Variants in ZNF618 observed in about 807,000 individuals in gnomAD.
ZNF618 encodes the protein zinc finger protein 618, also known as neural precursor cell expressed, developmentally down-regulated 10.
ZNF618 carries 34 observed loss-of-function variants against 103.0 expected under a neutral mutation model. The observed-to-expected ratio is 0.33, with a 90% CI of 0.25 to 0.44. ZNF618 has a LOEUF of 0.44. ZNF618 is among the 20% of genes least tolerant of loss of function. The probability of loss-of-function intolerance (pLI) is 1.00; values close to 1 mark genes in which losing one functional copy is unlikely to be tolerated. For missense variants in ZNF618, 1,059 were observed against 1,295.4 expected, an observed-to-expected ratio of 0.82 and a Z score of 2.80; for synonymous variants, 551 against 542.2, an observed-to-expected ratio of 1.02 and a Z score of -0.23.
At chr9:113,906,998 A>G (rs765775568) in intron 1 of ZNF618, among the ~76,000 whole-genome samples, 15 of 152,190 alleles carry the variant, frequency 9.9e-5, no homozygotes, top group Non-Finnish European at 2.1e-4. Context: ...TAGCAGCACC[A>G]TGCTTATTTT....
chr9:113,991,019 C>T (rs918580050), intron 3 of ZNF618, among the ~76,000 whole-genome samples: 11 of 152,202 alleles, frequency 7.2e-5, no homozygotes, highest in African/African-American at 2.7e-4. Flanking sequence ...GCTGTTTCTG[C>T]CCTTCACCAG....
rs1846262343 is a variant in ZNF618, at chr9:114,053,474, T to C, written c.*3307T>C. 6.6e-6 allele frequency: 1 copy of C among 152,258 alleles called. No individual in the cohort carries two copies. Among genetic ancestry groups the C allele is most frequent in the African/African-American group, 2.4e-5 (1 of 41,440 alleles). The allele number at this position is 152,258 out of a possible 1,614,324, so 9.4% of individuals were successfully genotyped here. A position where few individuals can be genotyped will look rare whatever the true frequency, so the allele number is the denominator to read the frequency against. ...TGTGGAGACTACTCACCTTGAGCCA[T>C]GTGGTCCCCAGGACAGAAATGGCCT... On this transcript the variant is annotated 3_prime_UTR_variant, in exon 15 of 15. Transcript: ENST00000374126.
intron 2 of ZNF618, among the ~76,000 whole-genome samples, chr9:113,970,225 C>G (rs963856715): frequency 6.6e-6 from 1 of 151,034 alleles, no homozygotes; most frequent in Non-Finnish European, 1.5e-5. Context: ...ACTATGGGAC[C>G]CCTTTTTTTT....
At chr9:113,921,266 C>T (rs1188040176) in intron 1 of ZNF618, among the ~76,000 whole-genome samples, 1 of 152,178 alleles carries the variant, frequency 6.6e-6, no homozygotes, top group Non-Finnish European at 1.5e-5. Context: ...AAAATCAGGC[C>T]AGTGTTATGC....
chr9:114,036,413 C>T, intron 13 of ZNF618, 36 bp downstream of exon 13: 1 of 1,549,410 alleles, frequency 6.5e-7, no homozygotes, highest in Non-Finnish European at 8.7e-7. Flanking sequence ...CCTCTCCTTC[C>T]TCAGTTCCTG....
At chr9:113,967,192 C>G (rs974214668) in intron 1 of ZNF618, among the ~76,000 whole-genome samples, 1 of 152,142 alleles carries the variant, frequency 6.6e-6, no homozygotes, top group East Asian at 1.9e-4. Context: ...TTTTTAAGAT[C>G]TCTGGGGCAG....
In ZNF618 at chr9:114,052,714, C is replaced by G. The variant is rs1846210504; in HGVS notation, c.*2547C>G. ...TGAGAGCAGAGCCTGGGAGCCCATC[C>G]TCCCTCTACTTGGAGCAAAGTTGTG... On this transcript the variant is annotated 3_prime_UTR_variant, in exon 15 of 15. Coordinates refer to ENST00000374126, the MANE Select transcript of ZNF618 (RefSeq NM_001318042.2). The G allele has an allele frequency of 6.6e-6, 1 of 152,212 alleles. No individual in the cohort carries two copies. The highest frequency in any genetic ancestry group is 1.5e-5 in the Non-Finnish European group (1 of 68,048). 9.4% of individuals were successfully genotyped at this position (152,212 alleles called of 1,614,324 possible).
intron 1 of ZNF618, among the ~76,000 whole-genome samples, chr9:113,955,672 CT>C (rs1408226522): frequency 2.8e-4 from 42 of 150,758 alleles, no homozygotes; most frequent in Admixed American, 2.6e-4. Flanking sequence ...ACTTTTCTCT[CT>C]TTAAAAAAAA....
intron 2 of ZNF618, among the ~76,000 whole-genome samples, chr9:113,983,525 T>G (rs1839163421): frequency 6.6e-6 from 1 of 152,154 alleles, no homozygotes; most frequent in African/African-American, 2.4e-5. Flanking sequence ...GGTCCCCATC[T>G]TCTGTGAACT....
At chr9:113,949,578 G>A (rs966909820) in intron 1 of ZNF618, among the ~76,000 whole-genome samples, 39 of 152,132 alleles carry the variant, frequency 2.6e-4, no homozygotes, top group African/African-American at 8.7e-4. Context: ...TCTTCATCCT[G>A]AGCTCAGAGC....
At chr9:114,011,956 A>G (rs952214087) in intron 9 of ZNF618, among the ~76,000 whole-genome samples, 1 of 152,142 alleles carries the variant, frequency 6.6e-6, no homozygotes, top group African/African-American at 2.4e-5. Context: ...GAAACAGAGT[A>G]AGTCTGGAGT....
chr9:113,957,616 A>G (rs1836433277), intron 1 of ZNF618, among the ~76,000 whole-genome samples: 1 of 152,168 alleles, frequency 6.6e-6, no homozygotes, highest in African/African-American at 2.4e-5. Context: ...CCCTGGCCAT[A>G]TCAAAGGAGG....
chr9:114,023,177 A>G (rs540413889), intron 10 of ZNF618, among the ~76,000 whole-genome samples: 6 of 151,792 alleles, frequency 4.0e-5, no homozygotes, highest in Admixed American at 3.9e-4. Context: ...CATTTTTTCT[A>G]TTTGTCCCAT....
At chr9:113,909,169 A>G (rs904346649) in intron 1 of ZNF618, among the ~76,000 whole-genome samples, 2 of 151,902 alleles carry the variant, frequency 1.3e-5, no homozygotes, top group Non-Finnish European at 2.9e-5. Context: ...TGGAAAAGGA[A>G]TGGGTTGGAG....
chr9:113,893,120 G>A lies in ZNF618; in HGVS notation c.33+16707G>A, dbSNP rs75293905. On this transcript the variant is annotated intron_variant, in intron 1 of 14. Transcript: ENST00000374126. ...TTCACTGGGCAGACTCGCCTTGTTA[G>A]CTAGACTGGCATCAATGCCATTATA... Among the ~76,000 whole-genome samples the A allele has an allele frequency of 1.0e-2, 1,521 of 152,348 alleles. 8 individuals are homozygous for A. The highest frequency in any genetic ancestry group is 0.012 in the Non-Finnish European group (822 of 68,036).
chr9:114,038,342 C>T (rs1328675157), intron 13 of ZNF618, among the ~76,000 whole-genome samples: 1 of 152,234 alleles, frequency 6.6e-6, no homozygotes, highest in Non-Finnish European at 1.5e-5. Context: ...GTGGCCCCAC[C>T]TCTCCCAAGC....
At chr9:113,895,967 C>T (rs1390533643) in intron 1 of ZNF618, among the ~76,000 whole-genome samples, 4 of 152,020 alleles carry the variant, frequency 2.6e-5, no homozygotes, top group African/African-American at 9.7e-5. Context: ...AGAATTTGAA[C>T]TGTATTTGCA....
intron 1 of ZNF618, among the ~76,000 whole-genome samples, chr9:113,967,998 C>A (rs530359749): frequency 2.0e-5 from 3 of 152,180 alleles, no homozygotes; most frequent in African/African-American, 7.2e-5. Context: ...CTGATTTTGC[C>A]AGTTTGCAAC....
chr9:113,903,070 T>G (rs766364559), intron 1 of ZNF618, among the ~76,000 whole-genome samples: 3 of 152,222 alleles, frequency 2.0e-5, no homozygotes, highest in Non-Finnish European at 2.9e-5. Context: ...GGTCTTGAAC[T>G]CCTGACCTGA....
Sources: allele counts gnomAD v4.1 joint callset (sites outside exome capture counted in the v4.1 genomes callset), GRCh38; gene constraint gnomAD v4.1.1; transcripts MANE v1.5; gene names NCBI Gene and HGNC (gene_info 2026-07-23, HGNC 2026-07-21).